Variants in SERPINI2 observed in about 807,000 individuals in gnomAD.
The protein encoded by SERPINI2 is serpin family I member 2.
SERPINI2 carries 48 observed loss-of-function variants against 47.3 expected under a neutral mutation model. The observed-to-expected ratio is 1.02, with a 90% CI of 0.81 to 1.29. The LOEUF (loss-of-function observed/expected upper bound fraction) is 1.29. Ranked by LOEUF, SERPINI2 falls within the 50% of genes most tolerant of loss-of-function variation. The pLI, the probability that SERPINI2 is intolerant of heterozygous loss-of-function variation, is 0.00. For missense variants in SERPINI2, 448 were observed against 456.9 expected, an observed-to-expected ratio of 0.98 and a Z score of 0.18; for synonymous variants, 135 against 149.3, an observed-to-expected ratio of 0.90 and a Z score of 0.70.
At chr3:167,449,490 ATTTATTTAT>A in intron 6 of SERPINI2, 88 bp from the exon 7 acceptor site, 1 of 570,600 alleles carries the variant, frequency 1.8e-6, no homozygotes, top group East Asian at 3.9e-5. Flanking sequence ...ACATTTATTT[ATTTATTTAT>A]TTATTTATTT....
intron 6 of SERPINI2, among the ~76,000 whole-genome samples, chr3:167,451,212 A>G (rs1217996900): frequency 1.0e-5 from 1 of 98,026 alleles, no homozygotes; most frequent in Admixed American, 9.2e-5. Context: ...AACAGATTAG[A>G]ATGCTTACAC....
Position 167,449,203 on chromosome 3 carries a change from A to T in SERPINI2, c.1051+113T>A. On this transcript the variant is annotated intron_variant, in intron 7 of 8. Transcript: ENST00000264677. Reference sequence around the variant, plus strand: ...TTTCCTTTTTTTCCTCCTGAAGTGTATTAGACAGCAGAAGAGAAAAAGAAG... The same window carrying T: ...TTTCCTTTTTTTCCTCCTGAAGTGTTTTAGACAGCAGAAGAGAAAAAGAAG... 9.4e-6 allele frequency: 7 copies of T among 743,128 alleles called. No individual in the cohort carries two copies. In the South Asian group the frequency reaches 1.1e-4, roughly 12 times the overall value. 46.0% of individuals were successfully genotyped at this position (743,128 alleles called of 1,614,324 possible). A position where few individuals can be genotyped will look rare whatever the true frequency, so the allele number is the denominator to read the frequency against.
At chr3:167,455,424 C>T (rs1749756818) in intron 5 of SERPINI2, among the ~76,000 whole-genome samples, 1 of 151,932 alleles carries the variant, frequency 6.6e-6, no homozygotes, top group South Asian at 2.1e-4. Context: ...ATGGTATTGG[C>T]CCTTCCTTTC....
chr3:167,449,351 A>G, exon 7 of SERPINI2: 1 of 1,613,352 alleles, frequency 6.2e-7, no homozygotes, highest in Non-Finnish European at 8.5e-7. Flanking sequence ...ATCTTCATTT[A>G]TCTCAAAGAA....
intron 5 of SERPINI2, 57 bp downstream of exon 5, chr3:167,465,149 C>A: frequency 1.4e-6 from 2 of 1,442,738 alleles, no homozygotes; most frequent in South Asian, 2.5e-5. Flanking sequence ...GCTGACTGCT[C>A]AAATTCCTAT....
At chr3:167,465,554 G>C in exon 4 of SERPINI2, 1 of 1,613,804 alleles carries the variant, frequency 6.2e-7, no homozygotes. Context: ...AAATTTATCA[G>C]CTGTGTGTCC....
intron 5 of SERPINI2, among the ~76,000 whole-genome samples, chr3:167,464,631 C>T (rs1379945311): frequency 6.6e-6 from 1 of 152,104 alleles, no homozygotes; most frequent in African/African-American, 2.4e-5. Context: ...CATTTGGGCA[C>T]ACCTTTCTTT....
At chr3:167,448,251 C>T (rs1292962264) in intron 7 of SERPINI2, among the ~76,000 whole-genome samples, 1 of 152,186 alleles carries the variant, frequency 6.6e-6, no homozygotes. Flanking sequence ...TCCTAGTGAT[C>T]TTGCAAAATA....
At chr3:167,453,862 C>T (rs1378713432) in intron 5 of SERPINI2, among the ~76,000 whole-genome samples, 1 of 150,894 alleles carries the variant, frequency 6.6e-6, no homozygotes, top group Non-Finnish European at 1.5e-5. Context: ...ACCTCACTTT[C>T]CCATTTAAAT....
chr3:167,447,123 T>C (rs1749502630), intron 7 of SERPINI2: 1 of 152,200 alleles, frequency 6.6e-6, no homozygotes, highest in Non-Finnish European at 1.5e-5. Context: ...ATTTTTCCTA[T>C]CTAGATTAAA....
chr3:167,464,639 T>G (rs914671289), intron 5 of SERPINI2, among the ~76,000 whole-genome samples: 11 of 152,304 alleles, frequency 7.2e-5, no homozygotes, highest in African/African-American at 2.6e-4. Flanking sequence ...CACACCTTTC[T>G]TTTTGAAGTT....
rs761172100 is a variant in SERPINI2 at position 167,446,386 on chromosome 3, AG to A, written c.1141+5del. 18 of 1,580,496 alleles carry A rather than the reference AG, an allele frequency of 1.1e-5. No homozygotes were observed. Among genetic ancestry groups the A allele is most frequent in the Non-Finnish European group, 1.6e-5 (18 of 1,157,684 alleles). The stretch of plus-strand genomic sequence containing the variant: ...AGTTCCCCCAAATAATTCTCAAAAA[AG>A]GTACCTGTTGGATTATGCTTCATAA... On this transcript the variant is annotated splice_donor_5th_base_variant and intron_variant, in intron 8 of 8. Transcript: ENST00000264677.
chr3:167,442,289 C>T (rs1395974462), intron 8 of SERPINI2, 104 bp from the exon 9 acceptor site: 1 of 783,374 alleles, frequency 1.3e-6, no homozygotes. Context: ...GGTCTTTTTT[C>T]TCTGTAAGAT....
chr3:167,460,277 T>C (rs751634987), intron 5 of SERPINI2, among the ~76,000 whole-genome samples: 4 of 152,212 alleles, frequency 2.6e-5, no homozygotes, highest in African/African-American at 4.8e-5. Context: ...AGTAATAAAA[T>C]ATAAATCTGC....
At chr3:167,448,494 G>A (rs867297947) in intron 7 of SERPINI2, among the ~76,000 whole-genome samples, 1 of 152,128 alleles carries the variant, frequency 6.6e-6, no homozygotes, top group Non-Finnish European at 1.5e-5. Flanking sequence ...ATTTTGGGGT[G>A]TGGACTGGGC....
intron 7 of SERPINI2, among the ~76,000 whole-genome samples, chr3:167,447,910 C>T (rs1749524238): frequency 6.6e-6 from 1 of 152,168 alleles, no homozygotes; most frequent in Non-Finnish European, 1.5e-5. Flanking sequence ...TGTGTTTCAT[C>T]CAGATGTCAA....
At chr3:167,473,810 C>A in intron 1 of SERPINI2, 193 bp downstream of exon 1, 1 of 1,418,080 alleles carries the variant, frequency 7.1e-7, no homozygotes, top group Non-Finnish European at 9.2e-7. Context: ...ATGAATAGTC[C>A]TATAAGAACT....
chr3:167,457,672 T>G (rs552675492), intron 5 of SERPINI2, among the ~76,000 whole-genome samples: 1 of 152,244 alleles, frequency 6.6e-6, no homozygotes, highest in Non-Finnish European at 1.5e-5. Context: ...ACATGCTTTT[T>G]GCTGCAGTCA....
At chr3:167,462,807 G>T (rs1053252915) in intron 5 of SERPINI2, among the ~76,000 whole-genome samples, 1 of 152,126 alleles carries the variant, frequency 6.6e-6, no homozygotes, top group Non-Finnish European at 1.5e-5. Context: ...ATAGTTGTAT[G>T]GGAAGTGTGG....
Sources: gnomAD v4.1 joint callset for allele counts (sites outside exome capture counted in the v4.1 genomes callset) on GRCh38, gnomAD v4.1.1 for gene constraint, MANE v1.5 for transcripts, NCBI Gene and HGNC (gene_info 2026-07-23, HGNC 2026-07-21) for gene names.